The following F5 variants were observed in gnomAD, a reference collection of about 807,000 sequenced individuals.
F5 encodes the protein coagulation factor V.
F5 carries 138 observed loss-of-function variants against 216.4 expected under a neutral mutation model. The observed-to-expected ratio is 0.64, with a 90% CI of 0.56 to 0.73. The LOEUF is 0.73. Among genes scored for constraint, F5 ranks in the 30% least tolerant of loss-of-function variants. The probability of loss-of-function intolerance (pLI) is 0.00; values close to 1 mark genes in which losing one functional copy is unlikely to be tolerated. For missense variants in F5, 2,403 were observed against 2,674.0 expected, an observed-to-expected ratio of 0.90 and a Z score of 2.24; for synonymous variants, 916 against 930.7, an observed-to-expected ratio of 0.98 and a Z score of 0.29.
At position 169,543,032 on chromosome 1, in the gene F5, T is replaced by G. The variant is rs145030674; in HGVS notation, c.2058A>C (p.Pro686=). 1.9e-6 allele frequency: 3 copies of G among 1,614,014 alleles called. No individual in the cohort carries two copies. The highest frequency in any genetic ancestry group is 2.5e-6 in the Non-Finnish European group (3 of 1,179,900). ...TCTCATATGAGTCTTCATCATCATC[T>G]GGGATACATTTAACATCCCTGAATT... ...RLKFRDVKCI[P]DDDEDSYEIF... Residue 686 remains proline (P), a synonymous_variant, in exon 13 of 25, where the codon CCA becomes CCC. Transcript: ENST00000367797.
chr1:169,530,994 G>A lies in F5; in HGVS notation c.5000C>T (p.Pro1667Leu), dbSNP rs200157005. The A allele has an allele frequency of 2.1e-5, 34 of 1,613,238 alleles. No homozygotes were observed. Among genetic ancestry groups the A allele is most frequent in the South Asian group, 1.4e-4 (13 of 91,064 alleles). The change falls in exon 15 of 25, where the codon CCG becomes CTG. Residue 1667 changes from proline (P) to leucine (L), a missense_variant. This residue lies in a region of F5 where 659 missense variants were observed against 787.9 expected (regional missense o/e 0.84). Transcript: ENST00000367797. ...QVRFKNLASR[P>L]YSLHAHGLSY... is the part of the protein sequence containing the mutation. Reference sequence around the variant, plus strand: ...AAGTCCATGGGCATGTAGAGAATACGGTCTGGATGCTAAATTTTTAAAACG... The same window carrying A: ...AAGTCCATGGGCATGTAGAGAATACAGTCTGGATGCTAAATTTTTAAAACG...
Position 169,541,893 on chromosome 1 carries a change from T to C in F5, c.3197A>G (p.His1066Arg). Residue 1066 changes from histidine (H) to arginine (R), a missense_variant, in exon 13 of 25, where the codon CAT becomes CGT. Transcript: ENST00000367797. ...ATTGGATTTATGAAGCACCAACGAA[T>C]GCTTAAGTCTTCTTTCTGAAAATGT... The part of the protein sequence containing the change: ...YNTFSERRLK[H>R]SLVLHKSNET... 2 of 1,614,154 alleles carry C rather than the reference T, an allele frequency of 1.2e-6. No homozygotes were observed. Among genetic ancestry groups the C allele is most frequent in the Non-Finnish European group, 8.5e-7 (1 of 1,179,996 alleles).
At chr1:169,580,919 T>A (rs753138747) in intron 2 of F5, among the ~76,000 whole-genome samples, 4 of 152,208 alleles carry the variant, frequency 2.6e-5, no homozygotes, top group Non-Finnish European at 4.4e-5. Flanking sequence ...TACTTTGTAC[T>A]TATTAACTCA....
intron 1 of F5, 150 bp from the exon 2 acceptor site, chr1:169,582,672 G>A: frequency 2.0e-6 from 1 of 496,306 alleles, no homozygotes; most frequent in South Asian, 3.0e-5. Context: ...TTATAAATAT[G>A]ATCAATAAGT....
At position 169,542,520 on chromosome 1, in the gene F5, A is replaced by G; in HGVS notation, c.2570T>C (p.Phe857Ser). 6.2e-7 allele frequency: 1 copy of G among 1,614,024 alleles called. No homozygotes were observed. Among genetic ancestry groups the G allele is most frequent in the South Asian group, 1.1e-5 (1 of 91,072 alleles). ...IRLLSLGAGEFKSQEHAKHKG... is the reference protein window; with the variant it reads ...IRLLSLGAGESKSQEHAKHKG... ...ATGCTTAGCATGTTCTTGACTTTTGAATTCTCCAGCACCAAGTGAAAGTAG... is the reference window on the plus strand; with the variant it reads ...ATGCTTAGCATGTTCTTGACTTTTGGATTCTCCAGCACCAAGTGAAAGTAG... The change falls in exon 13 of 25, where the codon TTC becomes TCC. Residue 857 changes from phenylalanine (F) to serine (S), a missense_variant. Physicochemically the swap from Phe to Ser is radical, Grantham distance 155. Coordinates refer to ENST00000367797, the MANE Select transcript of F5 (RefSeq NM_000130.5).
chr1:169,573,976 C>A (rs533995981), intron 2 of F5, among the ~76,000 whole-genome samples: 2 of 151,610 alleles, frequency 1.3e-5, no homozygotes, highest in African/African-American at 4.8e-5. Flanking sequence ...CAAAAATATT[C>A]AAAAAACAAC....
At chr1:169,555,029 T>C (rs772469202) in intron 7 of F5, among the ~76,000 whole-genome samples, 153 bp downstream of exon 7, 3 of 152,188 alleles carry the variant, frequency 2.0e-5, no homozygotes, top group Non-Finnish European at 4.4e-5. Flanking sequence ...GATTTGGGGG[T>C]AATTCAAGAT....
At chr1:169,572,387 C>T (rs758743885) in intron 2 of F5, 44 bp from the exon 3 acceptor site, 16 of 1,609,688 alleles carry the variant, frequency 9.9e-6, no homozygotes, top group Non-Finnish European at 1.1e-5. Flanking sequence ...TCAGGGTCAT[C>T]AAAGGCAGAG....
In F5 at chr1:169,585,992, T is replaced by C. The variant is rs9332486; in HGVS notation, c.158+237A>G. On this transcript the variant is annotated intron_variant, in intron 1 of 24. Coordinates refer to ENST00000367797, the MANE Select transcript of F5 (RefSeq NM_000130.5). ...ATTGAAAATAAACTTGAAAAGAAGG[T>C]AGCATCTAACCAATCAAATAGGGTG... 0.045 allele frequency among the ~76,000 whole-genome samples: 6,911 copies of C among 152,148 alleles called. 533 individuals are homozygous for C. The highest frequency in any genetic ancestry group is 0.16 in the African/African-American group (6,446 of 41,468).
chr1:169,533,311 G>A (rs1223519463), intron 14 of F5, among the ~76,000 whole-genome samples: 1 of 152,096 alleles, frequency 6.6e-6, no homozygotes, highest in Non-Finnish European at 1.5e-5. Context: ...AAGAATCCTA[G>A]AAGAAAAACC....
At chr1:169,534,090 C>G (rs1177792197) in intron 14 of F5, among the ~76,000 whole-genome samples, 2 of 152,180 alleles carry the variant, frequency 1.3e-5, no homozygotes, top group African/African-American at 4.8e-5. Flanking sequence ...CTGTTCTGTT[C>G]TGTTCTAATT....
intron 3 of F5, among the ~76,000 whole-genome samples, chr1:169,563,015 T>C (rs1290784579): frequency 1.3e-5 from 2 of 152,098 alleles, no homozygotes; most frequent in East Asian, 3.9e-4. Flanking sequence ...TGAGAAATTC[T>C]TTCTGCATTT....
Position 169,542,503 on chromosome 1 carries a change from C to A in F5, c.2587G>T (p.Ala863Ser). The change falls in exon 13 of 25, where the codon GCT becomes TCT. Residue 863 changes from alanine (A) to serine (S), a missense_variant. Physicochemically the swap from Ala to Ser is moderately conservative, Grantham distance 99. Transcript: ENST00000367797. ...TCTACCTTGGGTCCCTTATGCTTAG[C>A]ATGTTCTTGACTTTTGAATTCTCCA... is the stretch of plus-strand genomic sequence containing the variant. ...GAGEFKSQEH[A>S]KHKGPKVERD... The A allele has an allele frequency of 6.2e-7, 1 of 1,614,076 alleles. No homozygotes were observed. The highest frequency in any genetic ancestry group is 8.5e-7 in the Non-Finnish European group (1 of 1,179,992).
At chr1:169,551,493 G>A (rs1428565663) in intron 8 of F5, among the ~76,000 whole-genome samples, 1 of 152,182 alleles carries the variant, frequency 6.6e-6, no homozygotes, top group Non-Finnish European at 1.5e-5. Flanking sequence ...CAAATAGCCA[G>A]ATCCTGAACT....
chr1:169,541,721 T>C lies in F5; in HGVS notation c.3369A>G (p.Pro1123=). 1.2e-6 allele frequency: 2 copies of C among 1,614,052 alleles called. No individual in the cohort carries two copies. The highest frequency in any genetic ancestry group is 8.5e-7 in the Non-Finnish European group (1 of 1,179,972). The change falls in exon 13 of 25, where the codon CCA becomes CCG. Residue 1123 remains proline, a synonymous_variant. Coordinates refer to ENST00000367797, the MANE Select transcript of F5 (RefSeq NM_000130.5). Reference sequence around the variant, plus strand: ...TGGGGAATGTTTGATAGTGTTCCTCTGGGGGCACTGTCTGATAAAGACCTG... The same window carrying C: ...TGGGGAATGTTTGATAGTGTTCCTCCGGGGGCACTGTCTGATAAAGACCTG... ...CPPGLYQTVP[P]EEHYQTFPIQ...
intron 10 of F5, among the ~76,000 whole-genome samples, chr1:169,548,994 A>G (rs1402035845): frequency 6.6e-6 from 1 of 152,228 alleles, no homozygotes; most frequent in African/African-American, 2.4e-5. Context: ...TATGCTCTGA[A>G]TAAGTGCAAA....
intron 2 of F5, among the ~76,000 whole-genome samples, chr1:169,580,898 A>G (rs1285639687): frequency 6.6e-6 from 1 of 152,196 alleles, no homozygotes; most frequent in Non-Finnish European, 1.5e-5. Context: ...ATGTGTCAGC[A>G]TCATTATAAA....
intron 21 of F5, among the ~76,000 whole-genome samples, chr1:169,521,466 A>G (rs1659304409): frequency 6.6e-6 from 1 of 152,160 alleles, no homozygotes; most frequent in Admixed American, 6.6e-5. Flanking sequence ...CTTGGCAGTA[A>G]ACAGGCTGTG....
At chr1:169,519,479 C>T (rs948886070) in intron 22 of F5, among the ~76,000 whole-genome samples, 10 of 152,070 alleles carry the variant, frequency 6.6e-5, no homozygotes, top group African/African-American at 1.7e-4. Context: ...GTGGTCCTGC[C>T]GATACAAGAT....
Sources: allele counts gnomAD v4.1 joint callset (sites outside exome capture counted in the v4.1 genomes callset), GRCh38; gene constraint gnomAD v4.1.1; regional missense constraint gnomAD v4.1.1; transcripts MANE v1.5; gene names NCBI Gene and HGNC (gene_info 2026-07-23, HGNC 2026-07-21).